MCTP1: variants seen among roughly 807,000 people sequenced by gnomAD.
MCTP1 encodes the protein multiple C2 and transmembrane domain containing 1.
A neutral mutation model predicts 120.6 loss-of-function variants in MCTP1; 69 were observed. The ratio of observed to expected loss-of-function variants is 0.57; its 90% confidence interval spans 0.47 to 0.70. MCTP1 has a LOEUF of 0.70. Among genes scored for constraint, MCTP1 ranks in the 30% least tolerant of loss-of-function variants. The pLI, the probability that MCTP1 is intolerant of heterozygous loss-of-function variation, is 0.00. For missense variants in MCTP1, 1,203 were observed against 1,248.8 expected (o/e 0.96, Z 0.55); for synonymous variants, 529 against 493.1 (o/e 1.07, Z -0.96).
In MCTP1 at chr5:94,874,644, C is replaced by G. The variant is rs1038939628; in HGVS notation, c.1934-1403G>C. 2.0e-5 allele frequency among the ~76,000 whole-genome samples: 3 copies of G among 152,036 alleles called. No individual in the cohort carries two copies. The South Asian group carries it at 6.2e-4, about 32-fold the overall frequency. On this transcript the variant is annotated intron_variant, in intron 12 of 22. Coordinates refer to ENST00000515393, the MANE Select transcript of MCTP1 (RefSeq NM_024717.7). ...ACTTCTGGCTTAGGATCTGTATTATCTTTTTTTCCTCCAATCGTCTTTATC... is the reference window on the plus strand; with the variant it reads ...ACTTCTGGCTTAGGATCTGTATTATGTTTTTTTCCTCCAATCGTCTTTATC...
chr5:95,143,652 C>A (rs572798458), intron 1 of MCTP1, among the ~76,000 whole-genome samples: 3 of 152,110 alleles, frequency 2.0e-5, no homozygotes, highest in African/African-American at 7.2e-5. Flanking sequence ...TGAGTACATG[C>A]GGCATTTGGT....
chr5:94,779,664 C>T (rs1166602098), intron 18 of MCTP1, among the ~76,000 whole-genome samples: 2 of 152,076 alleles, frequency 1.3e-5, no homozygotes, highest in African/African-American at 4.8e-5. Flanking sequence ...AATTTTAATT[C>T]TTATGTATAA....
chr5:94,954,359 C>T (rs1822025202), intron 2 of MCTP1, among the ~76,000 whole-genome samples: 1 of 151,208 alleles, frequency 6.6e-6, no homozygotes. Flanking sequence ...ACAATTGGTA[C>T]ACATGAAGAC....
intron 18 of MCTP1, chr5:94,793,557 G>A (rs1405465822): frequency 6.6e-6 from 1 of 152,192 alleles, no homozygotes; most frequent in Non-Finnish European, 1.5e-5. Flanking sequence ...TTGGTACTGA[G>A]ATGCAAACAC....
intron 19 of MCTP1, among the ~76,000 whole-genome samples, chr5:94,733,881 T>C (rs1256795264): frequency 6.6e-6 from 1 of 151,538 alleles, no homozygotes; most frequent in African/African-American, 2.4e-5. Context: ...GGAGAATTGC[T>C]TGAACCCGGG....
chr5:94,866,247 T>C (rs1439366368), intron 17 of MCTP1, among the ~76,000 whole-genome samples: 2 of 151,880 alleles, frequency 1.3e-5, no homozygotes. Context: ...ACTGGGAGCT[T>C]ACTAAGTGCT....
At chr5:95,205,140 G>A (rs1471796925) in intron 1 of MCTP1, among the ~76,000 whole-genome samples, 1 of 152,072 alleles carries the variant, frequency 6.6e-6, no homozygotes, top group Non-Finnish European at 1.5e-5. Context: ...CATGAGAACA[G>A]AAATACAGAT....
chr5:95,095,914 A>C (rs1756228562), intron 1 of MCTP1, among the ~76,000 whole-genome samples: 1 of 152,102 alleles, frequency 6.6e-6, no homozygotes, highest in South Asian at 2.1e-4. Context: ...GCAGTGAAAA[A>C]AGGCCAGTGG....
At chr5:94,751,827 C>T (rs114021072) in intron 19 of MCTP1, among the ~76,000 whole-genome samples, 58 of 151,990 alleles carry the variant, frequency 3.8e-4, no homozygotes, top group Non-Finnish European at 6.0e-4. Flanking sequence ...AAATAAGCCA[C>T]GATTCTCGAT....
At chr5:94,983,677 ATC>A (rs1829931439) in intron 2 of MCTP1, among the ~76,000 whole-genome samples, 1 of 152,008 alleles carries the variant, frequency 6.6e-6, no homozygotes, top group South Asian at 2.1e-4. Flanking sequence ...CAATCTATCT[ATC>A]TATCTATCTA....
At chr5:94,768,663 A>G (rs1050371922) in intron 19 of MCTP1, among the ~76,000 whole-genome samples, 2 of 152,210 alleles carry the variant, frequency 1.3e-5, no homozygotes, top group African/African-American at 2.4e-5. Context: ...TACTGGAGAA[A>G]TGCAAACCAA....
chr5:94,711,029 C>T, intron 20 of MCTP1, 102 bp from the exon 21 acceptor site: 1 of 797,790 alleles, frequency 1.3e-6, no homozygotes, highest in Admixed American at 2.2e-5. Flanking sequence ...GTCTGCATTT[C>T]TCTCTGGAAT....
At chr5:94,889,461 G>T (rs1353260746) in intron 11 of MCTP1, among the ~76,000 whole-genome samples, 3 of 151,912 alleles carry the variant, frequency 2.0e-5, no homozygotes, top group African/African-American at 7.3e-5. Context: ...GTGGTGGCGG[G>T]CACCTGTAAT....
At chr5:94,734,781 C>A (rs1763843310) in intron 19 of MCTP1, among the ~76,000 whole-genome samples, 1 of 152,210 alleles carries the variant, frequency 6.6e-6, no homozygotes, top group South Asian at 2.1e-4. Context: ...ATTTTTAAGG[C>A]ACAAATAGTA....
At chr5:94,823,380 T>A (rs1201951231) in intron 17 of MCTP1, among the ~76,000 whole-genome samples, 2 of 152,176 alleles carry the variant, frequency 1.3e-5, no homozygotes, top group East Asian at 1.9e-4. Context: ...TTCTGAGGAC[T>A]CTGTTCTGTT....
chr5:94,984,917 T>C (rs549536412), intron 2 of MCTP1, among the ~76,000 whole-genome samples: 4 of 152,318 alleles, frequency 2.6e-5, no homozygotes, highest in African/African-American at 9.6e-5. Flanking sequence ...TTATAGAAGA[T>C]GATTAAATCA....
Position 95,123,010 on chromosome 5 carries a change from A to T in MCTP1, c.721-105526T>A, listed in dbSNP as rs568335807. Among the ~76,000 whole-genome samples, 85 of 152,338 alleles carry T rather than the reference A, an allele frequency of 5.6e-4. 1 individual carries two copies. Among genetic ancestry groups the T allele is most frequent in the African/African-American group, 2.0e-3 (84 of 41,586 alleles). On this transcript the variant is annotated intron_variant, in intron 1 of 22. Coordinates refer to ENST00000515393, the MANE Select transcript of MCTP1 (RefSeq NM_024717.7). ...GTGGGGAGATGAGAAGAAAGTGCAG[A>T]TGGTTAATGGGTTCAAAAATATAGT...
intron 19 of MCTP1, among the ~76,000 whole-genome samples, chr5:94,777,022 T>A (rs1409090379): frequency 7.3e-6 from 1 of 137,510 alleles, no homozygotes; most frequent in Non-Finnish European, 1.7e-5. Flanking sequence ...TATTCAGATA[T>A]GATTTTTATG....
intron 1 of MCTP1, among the ~76,000 whole-genome samples, chr5:95,253,726 T>C (rs1257241482): frequency 6.6e-6 from 1 of 151,940 alleles, no homozygotes; most frequent in Non-Finnish European, 1.5e-5. Flanking sequence ...AAAGACAAGA[T>C]TATTAAAGTT....
Sources: allele counts gnomAD v4.1 joint callset (sites outside exome capture counted in the v4.1 genomes callset), GRCh38; gene constraint gnomAD v4.1.1; transcripts MANE v1.5; gene names NCBI Gene and HGNC (gene_info 2026-07-23, HGNC 2026-07-21).